Variants in TTC39C observed in about 807,000 individuals in gnomAD.
The protein encoded by TTC39C is tetratricopeptide repeat domain 39C, also known as tetratricopeptide repeat protein 39C.
A neutral mutation model predicts 76.3 loss-of-function variants in TTC39C; 33 were observed. The observed-to-expected ratio is 0.43, with a 90% CI of 0.33 to 0.58. The LOEUF (loss-of-function observed/expected upper bound fraction) is 0.58, where lower values mean the gene tolerates loss of function less well. TTC39C is among the 20% of genes least tolerant of loss of function. The probability of loss-of-function intolerance (pLI) is 0.04; values close to 1 mark genes in which losing one functional copy is unlikely to be tolerated. For missense variants in TTC39C, 595 were observed against 701.4 expected (o/e 0.85, Z 1.71); for synonymous variants, 254 against 260.6 (o/e 0.97, Z 0.24).
chr18:24,077,668 G>A (rs968956596), intron 4 of TTC39C, among the ~76,000 whole-genome samples: 1 of 152,198 alleles, frequency 6.6e-6, no homozygotes, highest in Non-Finnish European at 1.5e-5. Flanking sequence ...ATAGCCAATC[G>A]ATATTTTTAG....
rs1279278538 is a variant in TTC39C, at chr18:24,030,562, G to T, written c.167+15524G>T. ...GTGACAGTGAATGGGGGTCAAGTTG[G>T]TCATAGGTGCACGCTGTTCGTGTGT... On this transcript the variant is annotated intron_variant, in intron 1 of 13. Coordinates refer to ENST00000317571, the MANE Select transcript of TTC39C (RefSeq NM_001135993.2). Among the ~76,000 whole-genome samples the T allele has an allele frequency of 4.0e-5, 6 of 151,364 alleles. No homozygotes were observed. The East Asian group carries it at 1.2e-3, about 30-fold the overall frequency.
intron 6 of TTC39C, among the ~76,000 whole-genome samples, chr18:24,103,880 C>A (rs953958578): frequency 6.6e-6 from 1 of 152,004 alleles, no homozygotes; most frequent in Non-Finnish European, 1.5e-5. Flanking sequence ...TGTACAAAAC[C>A]CATAAATAAC....
chr18:24,000,962 CAGAGTTGGATCAGAGAT>C (rs1357523452), intron 1 of TTC39C, among the ~76,000 whole-genome samples: 1 of 152,164 alleles, frequency 6.6e-6, no homozygotes, highest in Non-Finnish European at 1.5e-5. Context: ...CAGACCTCCC[CAGAGTTGGATCAGAGAT>C]CTGAGATCTC....
chr18:24,012,451 G>A (rs1236849091), upstream of TTC39C, among the ~76,000 whole-genome samples: 1 of 152,148 alleles, frequency 6.6e-6, no homozygotes, highest in Non-Finnish European at 1.5e-5. Context: ...CACAAAGAGT[G>A]CTCTGACTTT....
chr18:24,115,638 G>C (rs2084881568), intron 7 of TTC39C, among the ~76,000 whole-genome samples: 3 of 152,138 alleles, frequency 2.0e-5, no homozygotes, highest in Admixed American at 2.0e-4. Flanking sequence ...CTGTCAGTTT[G>C]GGGGGTCAGG....
At position 24,094,407 on chromosome 18, in the gene TTC39C, A is replaced by G. The variant is rs554794407; in HGVS notation, c.984+11326A>G. On this transcript the variant is annotated intron_variant, in intron 6 of 13. Coordinates refer to ENST00000317571, the MANE Select transcript of TTC39C (RefSeq NM_001135993.2). ...ATTAATGTTATTTTGACCTCCTTCT[A>G]TGAATCCATGTTCTTAATGGTGTTT... Among the ~76,000 whole-genome samples, 12 of 152,320 alleles carry G rather than the reference A, an allele frequency of 7.9e-5. No homozygotes were observed. The South Asian group carries it at 2.3e-3, about 29-fold the overall frequency.
At chr18:24,003,770 C>G (rs759032087) in intron 1 of TTC39C, among the ~76,000 whole-genome samples, 1 of 152,098 alleles carries the variant, frequency 6.6e-6, no homozygotes, top group Non-Finnish European at 1.5e-5. Context: ...TCTTAAGAGA[C>G]AAGGTCTCAC....
chr18:24,046,091 A>C lies in TTC39C; in HGVS notation c.168-18049A>C, dbSNP rs574963098. ...GTAGCTGGGACTACAGGCGCCCGCC[A>C]CCACACCCAGCTAATTTTTTGTATT... On this transcript the variant is annotated intron_variant, in intron 1 of 13. Transcript: ENST00000317571. Among the ~76,000 whole-genome samples, 9 of 151,362 alleles carry C rather than the reference A, an allele frequency of 5.9e-5. No individual in the cohort carries two copies. The South Asian group carries it at 1.9e-3, about 32-fold the overall frequency.
intron 1 of TTC39C, among the ~76,000 whole-genome samples, chr18:24,045,921 ATATATATTTTTTTTTTT>A (rs2083872687): frequency 5.5e-5 from 1 of 18,080 alleles, no homozygotes; most frequent in African/African-American, 2.2e-4. Context: ...ATATATATAT[ATATATATTTTTTTTTTT>A]TTTTTTTTTT....
At chr18:24,078,975 G>C (rs1424921856) in intron 4 of TTC39C, among the ~76,000 whole-genome samples, 3 of 152,110 alleles carry the variant, frequency 2.0e-5, no homozygotes, top group African/African-American at 7.2e-5. Context: ...TCTATTCTTA[G>C]ATCACTCTCA....
intron 6 of TTC39C, among the ~76,000 whole-genome samples, chr18:24,091,366 C>T (rs978669857): frequency 4.6e-5 from 7 of 152,170 alleles, no homozygotes; most frequent in South Asian, 4.1e-4. Flanking sequence ...GGCTTGAGCC[C>T]GGGGGATGGA....
At chr18:24,095,068 T>C (rs1404474272) in intron 6 of TTC39C, among the ~76,000 whole-genome samples, 2 of 152,252 alleles carry the variant, frequency 1.3e-5, no homozygotes, top group African/African-American at 4.8e-5. Flanking sequence ...TCAATGATCT[T>C]AGCTAGATCT....
chr18:24,132,870 T>C lies in TTC39C; in HGVS notation c.*296T>C, dbSNP rs2085150768. On this transcript the variant is annotated 3_prime_UTR_variant, in exon 14 of 14. Transcript: ENST00000317571. ...GTGATTTATTATTTTTAAAATAAAA[T>C]CAAACGGAACATCCAACCCAAGATC... The C allele has an allele frequency of 4.0e-6, 1 of 247,530 alleles. No individual in the cohort carries two copies. Among genetic ancestry groups the C allele is most frequent in the Admixed American group, 5.5e-5 (1 of 18,084 alleles). 15.3% of individuals were successfully genotyped at this position (247,530 alleles called of 1,614,324 possible).
chr18:24,028,879 C>T (rs769757445), intron 1 of TTC39C, among the ~76,000 whole-genome samples: 10 of 151,720 alleles, frequency 6.6e-5, no homozygotes, highest in Non-Finnish European at 1.2e-4. Context: ...CATGCCACCA[C>T]GCCTGGCTAA....
At chr18:24,083,176 C>T in intron 6 of TTC39C, 95 bp downstream of exon 6, 2 of 1,320,188 alleles carry the variant, frequency 1.5e-6, no homozygotes, top group Non-Finnish European at 2.0e-6. Context: ...GCCAGAATGT[C>T]CCAGGGCCCC....
intron 7 of TTC39C, among the ~76,000 whole-genome samples, chr18:24,115,952 TA>T (rs1480640292): frequency 6.6e-6 from 1 of 152,130 alleles, no homozygotes; most frequent in Admixed American, 6.5e-5. Context: ...TTTCAAGTCC[TA>T]TGACAGGATA....
intron 1 of TTC39C, among the ~76,000 whole-genome samples, chr18:24,026,754 C>A (rs1161544620): frequency 6.6e-6 from 1 of 152,170 alleles, no homozygotes; most frequent in Non-Finnish European, 1.5e-5. Context: ...GCCTTCTTAG[C>A]ACACAGATTA....
At chr18:24,037,905 T>G (rs985836626) in intron 1 of TTC39C, among the ~76,000 whole-genome samples, 1 of 152,190 alleles carries the variant, frequency 6.6e-6, no homozygotes, top group Non-Finnish European at 1.5e-5. Flanking sequence ...ATCTTTTAGC[T>G]CTTTTCATTT....
chr18:24,105,377 A>G (rs566692343), intron 6 of TTC39C, among the ~76,000 whole-genome samples: 1 of 152,378 alleles, frequency 6.6e-6, no homozygotes, highest in Middle Eastern at 3.4e-3. Context: ...TGGATAGTTG[A>G]TAAAATCTTT....
Sources: gnomAD v4.1 joint callset for allele counts (sites outside exome capture counted in the v4.1 genomes callset) on GRCh38, gnomAD v4.1.1 for gene constraint, MANE v1.5 for transcripts, NCBI Gene and HGNC (gene_info 2026-07-23, HGNC 2026-07-21) for gene names.